Variants in PTPRD observed in about 807,000 individuals in gnomAD.
The protein encoded by PTPRD is receptor-type tyrosine-protein phosphatase delta.
A neutral mutation model predicts 214.5 loss-of-function variants in PTPRD; 34 were observed. That is an observed-to-expected ratio of 0.16 (90% confidence interval 0.12 to 0.21). PTPRD has a LOEUF of 0.21. PTPRD is among the 10% of genes least tolerant of loss of function. The pLI is 1.00. For missense variants in PTPRD, 2,545 were observed against 2,398.7 expected (o/e 1.06, Z -1.27); for synonymous variants, 1,128 against 845.7 (o/e 1.33, Z -5.79).
intron 5 of PTPRD, among the ~76,000 whole-genome samples, chr9:9,804,061 T>C (rs1405219681): frequency 6.6e-6 from 1 of 152,066 alleles, no homozygotes; most frequent in Non-Finnish European, 1.5e-5. Flanking sequence ...TGTGAGTTAT[T>C]TTTTTTCTTT....
intron 9 of PTPRD, among the ~76,000 whole-genome samples, chr9:9,367,151 T>C (rs575997701): frequency 6.7e-4 from 101 of 151,646 alleles, no homozygotes; most frequent in Non-Finnish European, 1.0e-3. Context: ...TATTTATATT[T>C]ATACATATTT....
intron 9 of PTPRD, among the ~76,000 whole-genome samples, chr9:9,327,538 AAAG>A (rs1436291704): frequency 6.6e-6 from 1 of 152,180 alleles, no homozygotes; most frequent in African/African-American, 2.4e-5. Flanking sequence ...CATAGTATAA[AAAG>A]AAGCACTTTT....
chr9:10,435,924 C>T (rs1315872870), intron 2 of PTPRD, among the ~76,000 whole-genome samples: 1 of 151,690 alleles, frequency 6.6e-6, no homozygotes, highest in Non-Finnish European at 1.5e-5. Context: ...GTTTTCAGAC[C>T]TTTAAAAGTA....
intron 12 of PTPRD, among the ~76,000 whole-genome samples, chr9:8,646,428 G>T (rs2096692812): frequency 1.3e-5 from 2 of 152,222 alleles, no homozygotes; most frequent in South Asian, 4.2e-4. Flanking sequence ...TGGCCTTTAA[G>T]ATATTTCAGA....
intron 14 of PTPRD, among the ~76,000 whole-genome samples, chr9:8,548,676 A>ATTTTTT (rs71317369): frequency 2.2e-4 from 9 of 41,112 alleles, no homozygotes; most frequent in South Asian, 1.3e-3. Context: ...CTGGAGCTGG[A>ATTTTTT]TTTTTTTTTT....
intron 33 of PTPRD, among the ~76,000 whole-genome samples, chr9:8,453,555 G>T (rs1038432289): frequency 6.6e-6 from 1 of 152,184 alleles, no homozygotes; most frequent in Non-Finnish European, 1.5e-5. Flanking sequence ...TTTTCTGCTG[G>T]ACAAATGGAT....
At chr9:8,616,306 T>C (rs1465527426) in intron 14 of PTPRD, among the ~76,000 whole-genome samples, 1 of 152,104 alleles carries the variant, frequency 6.6e-6, no homozygotes, top group African/African-American at 2.4e-5. Context: ...ACTTTTCAAG[T>C]TGTAACATGG....
Position 9,288,737 on chromosome 9 carries a change from G to C in PTPRD, c.-202-105374C>G, listed in dbSNP as rs142305103. ...TGTGTCCCCACCCAAATCTCACCTT[G>C]AATTGTAGTTCCCATAATCTCTACG... On this transcript the variant is annotated intron_variant, in intron 9 of 45. Transcript: ENST00000381196. Among the ~76,000 whole-genome samples, 776 of 151,976 alleles carry C rather than the reference G, an allele frequency of 5.1e-3. 6 individuals are homozygous for C. The highest frequency in any genetic ancestry group is 0.018 in the African/African-American group (739 of 41,524).
intron 10 of PTPRD, among the ~76,000 whole-genome samples, chr9:9,165,248 G>C (rs1473538517): frequency 6.6e-6 from 1 of 152,100 alleles, no homozygotes; most frequent in Admixed American, 6.6e-5. Context: ...ATACATTAAG[G>C]TCTTTTTGTT....
intron 9 of PTPRD, among the ~76,000 whole-genome samples, chr9:9,224,317 G>A (rs1051527947): frequency 1.3e-5 from 2 of 151,974 alleles, no homozygotes; most frequent in Admixed American, 6.6e-5. Context: ...TATGGGGAGG[G>A]AGAAAGGGAA....
chr9:9,952,911 C>T (rs897134251), intron 4 of PTPRD, among the ~76,000 whole-genome samples: 1 of 151,998 alleles, frequency 6.6e-6, no homozygotes, highest in Admixed American at 6.5e-5. Context: ...TCTTAAATAC[C>T]TATATAAGAA....
chr9:10,213,220 C>T (rs571016239), intron 3 of PTPRD, among the ~76,000 whole-genome samples: 1 of 152,034 alleles, frequency 6.6e-6, no homozygotes, highest in East Asian at 1.9e-4. Context: ...ACTTATATTT[C>T]TGTATTGTAT....
At chr9:10,602,225 G>A (rs183916945) in intron 2 of PTPRD, among the ~76,000 whole-genome samples, 2 of 151,788 alleles carry the variant, frequency 1.3e-5, no homozygotes, top group East Asian at 1.9e-4. Flanking sequence ...GATCCAATTC[G>A]CTGTGAAAGA....
chr9:9,413,928 C>T (rs1482499281), intron 8 of PTPRD, among the ~76,000 whole-genome samples: 2 of 152,184 alleles, frequency 1.3e-5, no homozygotes, highest in Non-Finnish European at 2.9e-5. Context: ...CAATTTTGGA[C>T]TTTAGGGAAT....
At chr9:9,596,626 A>C (rs2093371924) in intron 7 of PTPRD, among the ~76,000 whole-genome samples, 1 of 152,054 alleles carries the variant, frequency 6.6e-6, no homozygotes, top group Non-Finnish European at 1.5e-5. Context: ...ACAGTGACAA[A>C]TAAAAAGCTG....
chr9:9,024,808 T>C (rs2099581760), intron 10 of PTPRD, among the ~76,000 whole-genome samples: 1 of 151,924 alleles, frequency 6.6e-6, no homozygotes, highest in African/African-American at 2.4e-5. Flanking sequence ...ATTAAGGATA[T>C]TGATTATAAA....
At chr9:10,100,338 T>C (rs2098539569) in intron 3 of PTPRD, among the ~76,000 whole-genome samples, 1 of 151,680 alleles carries the variant, frequency 6.6e-6, no homozygotes, top group Non-Finnish European at 1.5e-5. Context: ...AATTTAAATA[T>C]CCATCCCAAG....
At chr9:8,805,677 A>G (rs1042029954) in intron 11 of PTPRD, among the ~76,000 whole-genome samples, 15 of 151,036 alleles carry the variant, frequency 9.9e-5, no homozygotes, top group Admixed American at 4.0e-4. Context: ...ATCTCGGCTC[A>G]CAGCAACCTC....
chr9:10,028,575 G>A (rs1288631563), intron 4 of PTPRD, among the ~76,000 whole-genome samples: 3 of 152,018 alleles, frequency 2.0e-5, no homozygotes, highest in Non-Finnish European at 4.4e-5. Flanking sequence ...TGGAGATGAG[G>A]GACTTGTTGG....
Sources: allele counts gnomAD v4.1 joint callset (sites outside exome capture counted in the v4.1 genomes callset), GRCh38; gene constraint gnomAD v4.1.1; transcripts MANE v1.5; gene names NCBI Gene and HGNC (gene_info 2026-07-23, HGNC 2026-07-21).